The following ZNF490 variants were observed in gnomAD, a reference collection of about 807,000 sequenced individuals.
ZNF490 encodes zinc finger protein 490.
In ZNF490, 11 loss-of-function variants were observed where a neutral mutation model predicts 17.7. The ratio of observed to expected loss-of-function variants is 0.62; its 90% CI spans 0.39 to 1.03. The LOEUF (loss-of-function observed/expected upper bound fraction) is 1.03, where lower values mean the gene tolerates loss of function less well. Ranked by LOEUF, ZNF490 falls within the 50% of genes least tolerant of loss-of-function variation. ZNF490 has a pLI of 0.00. For synonymous variants in ZNF490, 222 were observed against 216.1 expected (o/e 1.03, Z -0.24); for missense variants, 542 against 643.4 (o/e 0.84, Z 1.71).
At chr19:12,600,576 G>T (rs1285642746) in intron 2 of ZNF490, among the ~76,000 whole-genome samples, 1 of 151,990 alleles carries the variant, frequency 6.6e-6, no homozygotes, top group Admixed American at 6.6e-5. Flanking sequence ...ATATATCAGT[G>T]TATGTTATCA....
At chr19:12,583,706 C>T (rs570597186) in intron 2 of ZNF490, 150 bp from the exon 3 acceptor site, 2 of 593,910 alleles carry the variant, frequency 3.4e-6, no homozygotes, top group East Asian at 9.7e-5. Context: ...TCTTTCCATA[C>T]TCACTTCCTC....
At position 12,610,544 on chromosome 19, in the gene ZNF490, T is replaced by C. The variant is rs770709871; in HGVS notation, c.117+20A>G. The C allele has an allele frequency of 1.9e-6, 3 of 1,598,096 alleles. No homozygotes were observed. In the East Asian group the frequency reaches 6.7e-5, roughly 36 times the overall value. On this transcript the variant is annotated intron_variant, in intron 1 of 4. Coordinates refer to ENST00000311437, the MANE Select transcript of ZNF490 (RefSeq NM_020714.3). The stretch of plus-strand genomic sequence containing the variant: ...CTATTCCACGAGAGGCCTTACAACA[T>C]TATGCCAAGCCCCTGGTACCTGGAG...
At chr19:12,592,959 C>T (rs1043662610) in intron 2 of ZNF490, among the ~76,000 whole-genome samples, 1 of 152,196 alleles carries the variant, frequency 6.6e-6, no homozygotes, top group African/African-American at 2.4e-5. Flanking sequence ...CAACCTTTCA[C>T]TCAATTCATG....
At chr19:12,594,710 C>T (rs2022912633) in intron 2 of ZNF490, among the ~76,000 whole-genome samples, 1 of 152,048 alleles carries the variant, frequency 6.6e-6, no homozygotes, top group African/African-American at 2.4e-5. Context: ...ACAGGAACAA[C>T]AGCAGTAGGC....
intron 2 of ZNF490, among the ~76,000 whole-genome samples, chr19:12,602,203 T>G (rs1410301042): frequency 6.6e-6 from 1 of 151,692 alleles, no homozygotes; most frequent in African/African-American, 2.4e-5. Flanking sequence ...GTATTTGATA[T>G]GAAAATTTTG....
Position 12,584,768 on chromosome 19 carries a change from C to T in ZNF490, c.163-1212G>A, listed in dbSNP as rs1183730378. Among the ~76,000 whole-genome samples the T allele has an allele frequency of 2.1e-5, 2 of 93,904 alleles. 1 individual carries two copies. The highest frequency in any genetic ancestry group is 4.1e-4 in the East Asian group (2 of 4,890). 61.6% of individuals were successfully genotyped at this position (93,904 alleles called of 152,430 possible). A position where few individuals can be genotyped will look rare whatever the true frequency, so the allele number is the denominator to read the frequency against. ...CTGTGAAAAGCCAGAAGTCACTGGCCATGTTGCCCTGAAGGATCTCGGGCC... is the reference window on the plus strand; with the variant it reads ...CTGTGAAAAGCCAGAAGTCACTGGCTATGTTGCCCTGAAGGATCTCGGGCC... On this transcript the variant is annotated intron_variant, in intron 2 of 4. Transcript: ENST00000311437.
Position 12,577,437 on chromosome 19 carries a change from T to C in ZNF490, c.*3048A>G. The C allele has an allele frequency of 3.0e-6, 3 of 985,308 alleles. No individual in the cohort carries two copies. The highest frequency in any genetic ancestry group is 1.1e-4 in the East Asian group (1 of 8,812). 61.0% of individuals were successfully genotyped at this position (985,308 alleles called of 1,614,324 possible). A position where few individuals can be genotyped will look rare whatever the true frequency, so the allele number is the denominator to read the frequency against. The stretch of plus-strand genomic sequence containing the variant: ...ATCATCTCTCTACAAAAGCACAACA[T>C]GGCAGCTCAAGAATGTGAAAGGACC... On this transcript the variant is annotated 3_prime_UTR_variant, in exon 5 of 5. Coordinates refer to ENST00000311437, the MANE Select transcript of ZNF490 (RefSeq NM_020714.3).
At chr19:12,597,593 A>G (rs2022950107) in intron 2 of ZNF490, among the ~76,000 whole-genome samples, 1 of 152,176 alleles carries the variant, frequency 6.6e-6, no homozygotes, top group South Asian at 2.1e-4. Flanking sequence ...TTATTGATTG[A>G]ATAACATCCC....
intron 2 of ZNF490, among the ~76,000 whole-genome samples, chr19:12,605,891 A>T (rs1205855034): frequency 2.0e-5 from 3 of 148,196 alleles, no homozygotes; most frequent in African/African-American, 7.4e-5. Flanking sequence ...TTTTAATTTA[A>T]TTTTTTTTTT....
rs1193872382 is a variant in ZNF490 at position 12,581,595 on chromosome 19, C to A, written c.480G>T (p.Val160=). The change falls in exon 5 of 5, where the codon GTG becomes GTT. Residue 160 remains valine, a synonymous_variant. Transcript: ENST00000311437. ...PTGLKPCDCS[V]CGEVFMHQVS... ...CCTGATGCATGAAGACTTCCCCACACACACTGCAGTCACATGGTTTTAATC... is the reference window on the plus strand; with the variant it reads ...CCTGATGCATGAAGACTTCCCCACAAACACTGCAGTCACATGGTTTTAATC... 7 of 1,614,192 alleles carry A rather than the reference C, an allele frequency of 4.3e-6. No homozygotes were observed. Among genetic ancestry groups the A allele is most frequent in the Non-Finnish European group, 5.9e-6 (7 of 1,180,022 alleles).
At chr19:12,595,147 C>T (rs1288957707) in intron 2 of ZNF490, among the ~76,000 whole-genome samples, 1 of 149,936 alleles carries the variant, frequency 6.7e-6, no homozygotes, top group Admixed American at 6.7e-5. Context: ...TTTTCTCTCT[C>T]TTTTTTTTTT....
chr19:12,596,161 A>G (rs2022930171), intron 2 of ZNF490, among the ~76,000 whole-genome samples: 1 of 146,984 alleles, frequency 6.8e-6, no homozygotes, highest in Non-Finnish European at 1.5e-5. Flanking sequence ...GCTACTCAGG[A>G]GGCTGAGGCA....
At chr19:12,596,836 A>C (rs1338627943) in intron 2 of ZNF490, among the ~76,000 whole-genome samples, 6 of 152,224 alleles carry the variant, frequency 3.9e-5, no homozygotes, top group Admixed American at 2.6e-4. Context: ...CAATTCTCAC[A>C]GGTGGATTCA....
rs149560386 is a variant in ZNF490, at chr19:12,576,201, T to G, written c.*4284A>C. Reference sequence around the variant, plus strand: ...GTTAAGGGGGGTGCTCCCAGGGAAATCAGGCAAGAAAATGCAAGCATTCCA... The same window carrying G: ...GTTAAGGGGGGTGCTCCCAGGGAAAGCAGGCAAGAAAATGCAAGCATTCCA... On this transcript the variant is annotated 3_prime_UTR_variant, in exon 5 of 5. Transcript: ENST00000311437. 2.0e-3 allele frequency among the ~76,000 whole-genome samples: 300 copies of G among 152,144 alleles called. 5 individuals carry two copies. Among genetic ancestry groups the G allele is most frequent in the Admixed American group, 0.016 (241 of 15,286 alleles).
intron 2 of ZNF490, among the ~76,000 whole-genome samples, chr19:12,599,275 A>G (rs931726212): frequency 6.6e-5 from 10 of 152,096 alleles, no homozygotes; most frequent in African/African-American, 2.4e-4. Context: ...AGGATCTTGT[A>G]TGATAGATTC....
At chr19:12,598,608 A>T (rs1191054024) in intron 2 of ZNF490, among the ~76,000 whole-genome samples, 2 of 150,822 alleles carry the variant, frequency 1.3e-5, no homozygotes, top group African/African-American at 4.9e-5. Flanking sequence ...TCCCAACCTT[A>T]GGTTGGGATC....
intron 2 of ZNF490, among the ~76,000 whole-genome samples, chr19:12,592,484 G>A (rs2022885032): frequency 6.6e-6 from 1 of 152,068 alleles, no homozygotes. Context: ...TATATACTGT[G>A]TAGTTTCAAA....
chr19:12,608,763 C>T (rs2023103673), intron 2 of ZNF490, among the ~76,000 whole-genome samples: 1 of 152,140 alleles, frequency 6.6e-6, no homozygotes, highest in Non-Finnish European at 1.5e-5. Context: ...GCATGAGCTA[C>T]TACACCCAGC....
In ZNF490 at chr19:12,579,176, C is replaced by G. The variant is rs1164317666; in HGVS notation, c.*1309G>C. On this transcript the variant is annotated 3_prime_UTR_variant, in exon 5 of 5. Transcript: ENST00000311437. ...GCTGAGGCAGGAGAATGGCGTGAACCCAGGAGGCGGAGCTTGCAGTGAGCT... is the reference window on the plus strand; with the variant it reads ...GCTGAGGCAGGAGAATGGCGTGAACGCAGGAGGCGGAGCTTGCAGTGAGCT... 6.6e-6 allele frequency: 1 copy of G among 150,812 alleles called. No homozygotes were observed. The highest frequency in any genetic ancestry group is 2.5e-5 in the African/African-American group (1 of 40,582). The allele number at this position is 150,812 out of a possible 1,614,324, so 9.3% of individuals were successfully genotyped here. A position where few individuals can be genotyped will look rare whatever the true frequency, so the allele number is the denominator to read the frequency against.
Sources: gnomAD v4.1 joint callset for allele counts (sites outside exome capture counted in the v4.1 genomes callset) on GRCh38, gnomAD v4.1.1 for gene constraint, MANE v1.5 for transcripts, NCBI Gene and HGNC (gene_info 2026-07-23, HGNC 2026-07-21) for gene names.